Variants in KCNJ16 observed in about 807,000 individuals in gnomAD.
KCNJ16 encodes the protein inward rectifier potassium channel 16.
Under a neutral mutation model 18.5 loss-of-function variants are expected in KCNJ16, and 15 were observed. The observed-to-expected ratio is 0.81, with a 90% CI of 0.54 to 1.25. The LOEUF (loss-of-function observed/expected upper bound fraction) is 1.25, where lower values mean the gene tolerates loss of function less well. Among genes scored for constraint, KCNJ16 ranks in the 50% most tolerant of loss-of-function variants. The pLI is 0.00. For missense variants in KCNJ16, 523 were observed against 525.7 expected (o/e 0.99, Z 0.05); for synonymous variants, 174 against 186.5 (o/e 0.93, Z 0.55).
intron 2 of KCNJ16, chr17:70,105,159 A>C (rs1458793134): frequency 6.6e-6 from 1 of 152,184 alleles, no homozygotes; most frequent in Non-Finnish European, 1.5e-5. Flanking sequence ...TTTTGCATGT[A>C]TCCCCGCTAA....
In KCNJ16 at chr17:70,125,036, C is replaced by A. The variant is rs529368228; in HGVS notation, c.-190-5843C>A. 6.2e-4 allele frequency among the ~76,000 whole-genome samples: 94 copies of A among 152,058 alleles called. 1 individual carries two copies. The highest frequency in any genetic ancestry group is 2.2e-3 in the African/African-American group (92 of 41,470). On this transcript the variant is annotated intron_variant, in intron 2 of 3. Transcript: ENST00000392671. ...AATCCAACACTTTGGGAGGCCGAGG[C>A]TGGAGGATTGCTTGAGGTCAGGAGT...
chr17:70,083,950 C>T (rs1191596362), intron 1 of KCNJ16, among the ~76,000 whole-genome samples: 1 of 152,018 alleles, frequency 6.6e-6, no homozygotes, highest in Non-Finnish European at 1.5e-5. Context: ...CCATGGCTTT[C>T]GAGCCTCCAA....
Position 70,103,277 on chromosome 17 carries a change from TA to T in KCNJ16, c.-191+2512del, listed in dbSNP as rs1324538521. On this transcript the variant is annotated intron_variant, in intron 2 of 3. Coordinates refer to ENST00000392671, the MANE Select transcript of KCNJ16 (RefSeq NM_170741.4). ...TATTTATGTGTATATGTGTATATAA[TA>T]TGCATATATGTGTGTGTGTATATAT... Among the ~76,000 whole-genome samples the T allele has an allele frequency of 2.8e-4, 8 of 28,876 alleles. No homozygotes were observed. In the East Asian group the frequency reaches 0.026, roughly 93 times the overall value. 18.9% of individuals were successfully genotyped at this position (28,876 alleles called of 152,430 possible).
intron 2 of KCNJ16, among the ~76,000 whole-genome samples, chr17:70,111,686 G>C (rs565683665): frequency 3.9e-5 from 6 of 152,158 alleles, no homozygotes; most frequent in African/African-American, 1.4e-4. Flanking sequence ...GTGTGTGGGA[G>C]GGACCAGATG....
intron 1 of KCNJ16, among the ~76,000 whole-genome samples, chr17:70,092,600 TA>T (rs1283426151): frequency 3.3e-5 from 5 of 151,600 alleles, no homozygotes; most frequent in Admixed American, 1.3e-4. Flanking sequence ...GATAGATAGA[TA>T]GATAGATAGA....
At chr17:70,076,567 A>G (rs1220103966) in intron 1 of KCNJ16, among the ~76,000 whole-genome samples, 1 of 152,210 alleles carries the variant, frequency 6.6e-6, no homozygotes, top group Non-Finnish European at 1.5e-5. Context: ...CTCATATACA[A>G]CAAGACTGAC....
At chr17:70,131,345 C>A in intron 3 of KCNJ16, 2 of 1,058,344 alleles carry the variant, frequency 1.9e-6, no homozygotes, top group South Asian at 7.5e-5. Context: ...TTTTTCTTTT[C>A]TTTCAAGACT....
At chr17:70,112,374 T>TC (rs1429800585) in intron 2 of KCNJ16, among the ~76,000 whole-genome samples, 1 of 152,068 alleles carries the variant, frequency 6.6e-6, no homozygotes, top group African/African-American at 2.4e-5. Flanking sequence ...TTTTTTTTTT[T>TC]TAATGAGGGC....
chr17:70,126,667 A>G (rs2073865655), intron 2 of KCNJ16, among the ~76,000 whole-genome samples: 1 of 152,242 alleles, frequency 6.6e-6, no homozygotes, highest in Non-Finnish European at 1.5e-5. Context: ...CCCTCTCTGC[A>G]ATACCGAAAA....
chr17:70,118,340 A>G (rs570699067), intron 2 of KCNJ16, among the ~76,000 whole-genome samples: 28 of 152,252 alleles, frequency 1.8e-4, no homozygotes, highest in Non-Finnish European at 3.5e-4. Context: ...GCAAACCACC[A>G]TGGCACATAT....
At chr17:70,081,960 C>G (rs2071574797) in intron 1 of KCNJ16, among the ~76,000 whole-genome samples, 1 of 152,170 alleles carries the variant, frequency 6.6e-6, no homozygotes, top group Non-Finnish European at 1.5e-5. Context: ...CATGCTGCCA[C>G]TCAGTAAACA....
rs5821755 is a variant in KCNJ16, at chr17:70,081,806, C to CTGTGTG, written c.-300+6440_-300+6445dup. 2.2e-3 allele frequency among the ~76,000 whole-genome samples: 333 copies of CTGTGTG among 149,572 alleles called. 1 individual carries two copies. Among genetic ancestry groups the CTGTGTG allele is most frequent in the African/African-American group, 3.6e-3 (147 of 40,864 alleles). On this transcript the variant is annotated intron_variant, in intron 1 of 3. Transcript: ENST00000392671. ...GTTACTTGTTAAGAGTCACCATGCT[C>CTGTGTG]TGTGTGTGTGTGTGTGTGTGTGTGT... is the stretch of plus-strand genomic sequence containing the variant.
chr17:70,129,030 C>G (rs758054354), intron 2 of KCNJ16, among the ~76,000 whole-genome samples: 3 of 152,230 alleles, frequency 2.0e-5, no homozygotes, highest in Admixed American at 6.5e-5. Flanking sequence ...CTTCTGCTAT[C>G]TTGCTGACGC....
In KCNJ16 at chr17:70,131,582, A is replaced by G. The variant is rs1022148308; in HGVS notation, c.-93-413A>G. 25 of 582,612 alleles carry G rather than the reference A, an allele frequency of 4.3e-5. No homozygotes were observed. The Admixed American group carries it at 1.4e-3, about 33-fold the overall frequency. 36.1% of individuals were successfully genotyped at this position (582,612 alleles called of 1,614,324 possible). A position where few individuals can be genotyped will look rare whatever the true frequency, so the allele number is the denominator to read the frequency against. On this transcript the variant is annotated intron_variant, in intron 3 of 3. Transcript: ENST00000392671. ...TTCTTTTAAGGAAAAACCTGATTTA[A>G]ACAGTTAGGAAGCTTATGACTGCTA... is the stretch of plus-strand genomic sequence containing the variant.
intron 2 of KCNJ16, among the ~76,000 whole-genome samples, chr17:70,125,175 T>G: frequency 6.6e-6 from 1 of 150,432 alleles, no homozygotes. Context: ...GAGGCTGAGG[T>G]GGGAAGATGG....
chr17:70,121,539 G>A (rs1476213066), intron 2 of KCNJ16, among the ~76,000 whole-genome samples: 1 of 152,186 alleles, frequency 6.6e-6, no homozygotes, highest in African/African-American at 2.4e-5. Context: ...GATGTTAGAT[G>A]TATCAATCTG....
intron 2 of KCNJ16, among the ~76,000 whole-genome samples, chr17:70,103,296 G>GTGTGTGTGTGTGTGTATA (rs1408960241): frequency 2.4e-4 from 17 of 72,052 alleles, no homozygotes; most frequent in Admixed American, 5.9e-4. Context: ...ATGTGTGTGT[G>GTGTGTGTGTGTGTGTATA]TATATATATA....
chr17:70,092,011 A>G (rs2072111688), intron 1 of KCNJ16, among the ~76,000 whole-genome samples: 1 of 152,206 alleles, frequency 6.6e-6, no homozygotes. Context: ...AGAATGCTAC[A>G]CAACACCAAA....
At chr17:70,091,609 A>C (rs1050865614) in intron 1 of KCNJ16, among the ~76,000 whole-genome samples, 7 of 151,564 alleles carry the variant, frequency 4.6e-5, no homozygotes, top group Non-Finnish European at 8.9e-5. Flanking sequence ...ACACATACAC[A>C]CACACACACA....
Sources: gnomAD v4.1 joint callset for allele counts (sites outside exome capture counted in the v4.1 genomes callset) on GRCh38, gnomAD v4.1.1 for gene constraint, MANE v1.5 for transcripts, NCBI Gene and HGNC (gene_info 2026-07-23, HGNC 2026-07-21) for gene names.